The following SLC24A2 variants were observed in gnomAD, a reference collection of about 807,000 sequenced individuals.
The protein encoded by SLC24A2 is solute carrier family 24 member 2.
In SLC24A2, 36 loss-of-function variants were observed where a neutral mutation model predicts 62.0. The observed-to-expected ratio is 0.58, with a 90% CI of 0.44 to 0.77. SLC24A2 has a LOEUF of 0.77. SLC24A2 is among the 30% of genes least tolerant of loss of function. SLC24A2 has a pLI of 0.00. For missense variants in SLC24A2, 846 were observed against 817.9 expected, an observed-to-expected ratio of 1.03 and a Z score of -0.42; for synonymous variants, 358 against 294.0, an observed-to-expected ratio of 1.22 and a Z score of -2.23.
At chr9:19,764,914 A>G (rs761265169) in intron 2 of SLC24A2, among the ~76,000 whole-genome samples, 3 of 152,112 alleles carry the variant, frequency 2.0e-5, no homozygotes, top group African/African-American at 7.2e-5. Context: ...TCCCACTATT[A>G]CTGTGTGGGA....
intron 2 of SLC24A2, among the ~76,000 whole-genome samples, chr9:19,689,218 C>T (rs1474927562): frequency 1.3e-5 from 2 of 152,102 alleles, no homozygotes; most frequent in Non-Finnish European, 2.9e-5. Flanking sequence ...GCTCCTTAGC[C>T]AGTGCGCTTC....
At chr9:19,597,448 C>T (rs1181070589) in intron 4 of SLC24A2, among the ~76,000 whole-genome samples, 169 bp from the exon 5 acceptor site, 1 of 152,182 alleles carries the variant, frequency 6.6e-6, no homozygotes, top group East Asian at 1.9e-4. Flanking sequence ...GCTTTCACGG[C>T]CCATTTTCAG....
chr9:20,107,644 G>A, the SLC24A2 span, among the ~76,000 whole-genome samples: 1 of 152,110 alleles, frequency 6.6e-6, no homozygotes, highest in South Asian at 2.1e-4. Flanking sequence ...CTAGCCATAT[G>A]GAGAAAGCTG....
At chr9:19,595,563 C>T (rs1428544314) in intron 5 of SLC24A2, among the ~76,000 whole-genome samples, 1 of 152,154 alleles carries the variant, frequency 6.6e-6, no homozygotes, top group Non-Finnish European at 1.5e-5. Flanking sequence ...CTGTGTTTTC[C>T]TGCTTCCAAA....
At chr9:20,169,569 C>T in the SLC24A2 span, among the ~76,000 whole-genome samples, 1 of 151,970 alleles carries the variant, frequency 6.6e-6, no homozygotes, top group South Asian at 2.1e-4. Context: ...TGATTGGATC[C>T]AGAAGAGAGA....
intron 4 of SLC24A2, among the ~76,000 whole-genome samples, chr9:19,618,081 C>T (rs1175306553): frequency 1.3e-5 from 2 of 152,164 alleles, no homozygotes; most frequent in Non-Finnish European, 2.9e-5. Flanking sequence ...CATAAGTTTA[C>T]AGAGGTGAAA....
At chr9:19,777,818 T>G (rs1822888977) in intron 2 of SLC24A2, among the ~76,000 whole-genome samples, 1 of 152,174 alleles carries the variant, frequency 6.6e-6, no homozygotes, top group African/African-American at 2.4e-5. Context: ...TGAGAGAATA[T>G]AAACTGTTCA....
At chr9:19,737,088 G>A (rs979534764) in intron 2 of SLC24A2, among the ~76,000 whole-genome samples, 1 of 152,148 alleles carries the variant, frequency 6.6e-6, no homozygotes, top group Non-Finnish European at 1.5e-5. Context: ...GAACATGATG[G>A]ACAAGGACAT....
At chr9:19,557,970 C>T (rs1453892648) in intron 7 of SLC24A2, among the ~76,000 whole-genome samples, 1 of 152,000 alleles carries the variant, frequency 6.6e-6, no homozygotes, top group African/African-American at 2.4e-5. Flanking sequence ...CACGTATGCA[C>T]CACCATGGCT....
the SLC24A2 span, among the ~76,000 whole-genome samples, chr9:20,197,569 C>G: frequency 2.0e-5 from 3 of 151,606 alleles, no homozygotes; most frequent in Non-Finnish European, 4.4e-5. Context: ...GTAGCTGACA[C>G]TACAGGCATG....
chr9:19,656,841 G>C (rs553334063), intron 2 of SLC24A2, among the ~76,000 whole-genome samples: 1 of 152,044 alleles, frequency 6.6e-6, no homozygotes, highest in Non-Finnish European at 1.5e-5. Flanking sequence ...TCTGTGTTCC[G>C]CATCCACCGT....
the SLC24A2 span, among the ~76,000 whole-genome samples, chr9:20,178,502 T>C: frequency 6.6e-6 from 1 of 152,152 alleles, no homozygotes; most frequent in African/African-American, 2.4e-5. Flanking sequence ...TCCTCTGACT[T>C]TGACAGATTT....
chr9:19,783,620 G>GA (rs370716546), intron 2 of SLC24A2, among the ~76,000 whole-genome samples: 1 of 152,082 alleles, frequency 6.6e-6, no homozygotes, highest in South Asian at 2.1e-4. Context: ...GCCTGGGGGG[G>GA]AAAACCTCCC....
At chr9:20,049,099 C>A in the SLC24A2 span, among the ~76,000 whole-genome samples, 1 of 152,210 alleles carries the variant, frequency 6.6e-6, no homozygotes, top group South Asian at 2.1e-4. Flanking sequence ...TAAAGAGCAA[C>A]TATATATGGA....
the SLC24A2 span, among the ~76,000 whole-genome samples, chr9:19,921,628 G>A: frequency 6.6e-6 from 1 of 151,442 alleles, no homozygotes; most frequent in Non-Finnish European, 1.5e-5. Flanking sequence ...TGCATACAGA[G>A]AAAAATGTAT....
chr9:20,072,045 G>C, the SLC24A2 span, among the ~76,000 whole-genome samples: 15 of 152,166 alleles, frequency 9.9e-5, no homozygotes, highest in African/African-American at 3.6e-4. Flanking sequence ...CCACCCTCCT[G>C]GCAGGTGGAT....
intron 2 of SLC24A2, 107 bp downstream of exon 2, chr9:19,785,830 C>G: frequency 7.0e-7 from 1 of 1,434,874 alleles, no homozygotes; most frequent in Non-Finnish European, 9.7e-7. Context: ...CTGCTATCCA[C>G]AAGAGCCCCA....
intron 8 of SLC24A2, among the ~76,000 whole-genome samples, chr9:19,530,811 C>T (rs917177751): frequency 6.6e-6 from 1 of 152,110 alleles, no homozygotes; most frequent in Non-Finnish European, 1.5e-5. Context: ...AATTTTCAGT[C>T]TTCATCATAA....
intron 2 of SLC24A2, among the ~76,000 whole-genome samples, chr9:19,686,936 G>T (rs1819898558): frequency 6.6e-6 from 1 of 152,088 alleles, no homozygotes; most frequent in East Asian, 1.9e-4. Context: ...TGTACACCAT[G>T]GAATACCATG....
Sources: allele counts gnomAD v4.1 joint callset (sites outside exome capture counted in the v4.1 genomes callset), GRCh38; gene constraint gnomAD v4.1.1; transcripts MANE v1.5; gene names NCBI Gene and HGNC (gene_info 2026-07-23, HGNC 2026-07-21).